The following CRLF2 variants were observed in gnomAD, a reference collection of about 807,000 sequenced individuals.
CRLF2 encodes cytokine receptor like factor 2, also known as cytokine receptor-like factor 2.
CRLF2 carries 41 observed loss-of-function variants against 38.7 expected under a neutral mutation model. The observed-to-expected ratio is 1.06, with a 90% CI of 0.83 to 1.37. The LOEUF is 1.37. CRLF2 is among the 40% of genes most tolerant of loss of function. The pLI is 0.00. For synonymous variants in CRLF2, 140 were observed against 128.8 expected (o/e 1.09, Z -0.59); for missense variants, 377 against 322.2 (o/e 1.17, Z -1.30).
In CRLF2 at chrX:1,211,729, A is replaced by G. The variant is rs866802361; in HGVS notation, c.79+827T>C. Among the ~76,000 whole-genome samples the G allele has an allele frequency of 4.8e-5, 4 of 83,734 alleles. 1 individual carries two copies. The highest frequency in any genetic ancestry group is 2.5e-4 in the African/African-American group (4 of 15,828). The allele number at this position is 83,734 out of a possible 152,430, so 54.9% of individuals were successfully genotyped here. ...GATGGATGGGTGGATGGGTGGATGG[A>G]TGGATGGATGGATGGATAAGTGGAT... On this transcript the variant is annotated intron_variant, in intron 1 of 7. Transcript: ENST00000400841.
chrX:1,202,338 C>T (rs1282476608), intron 4 of CRLF2, 64 bp downstream of exon 4: 2 of 1,599,460 alleles, frequency 1.3e-6, no homozygotes, highest in East Asian at 2.2e-5. Flanking sequence ...AACAGCGAAT[C>T]CCACAGCCCG....
intron 6 of CRLF2, among the ~76,000 whole-genome samples, chrX:1,195,616 C>T (rs1169231878): frequency 2.0e-5 from 3 of 148,120 alleles, no homozygotes; most frequent in Non-Finnish European, 3.0e-5. Flanking sequence ...TCACCCTTGT[C>T]GCCCAGGCTG....
At chrX:1,200,346 G>GT (rs2086580782) in intron 4 of CRLF2, among the ~76,000 whole-genome samples, 1 of 150,940 alleles carries the variant, frequency 6.6e-6, no homozygotes, top group African/African-American at 2.4e-5. Flanking sequence ...TATATAAGAT[G>GT]TGTATGTACA....
chrX:1,198,928 C>T (rs2086551678), intron 4 of CRLF2: 1 of 606,046 alleles, frequency 1.7e-6, no homozygotes, highest in East Asian at 2.9e-5. Context: ...GCGGGTGGAT[C>T]ACCTGAGGTC....
chrX:1,202,503 A>G lies in CRLF2; in HGVS notation c.382T>C (p.Ser128Pro), dbSNP rs1472285647. 6.2e-7 allele frequency: 1 copy of G among 1,613,602 alleles called. No homozygotes were observed. Among genetic ancestry groups the G allele is most frequent in the Non-Finnish European group, 8.5e-7 (1 of 1,179,694 alleles). Residue 128 changes from serine (S) to proline (P), a missense_variant, in exon 4 of 8, where the codon TCG (serine) becomes CCG (proline). Physicochemically the swap from Ser to Pro is moderately conservative, Grantham distance 74. Coordinates refer to ENST00000400841, the MANE Select transcript of CRLF2 (RefSeq NM_022148.4). ...ACCGTCACTGCATCCTGATGCCACG[A>G]AAATCTCACGTGCTTCGGGGAACTG... The part of the protein sequence containing the change: ...KPSSPKHVRF[S>P]WHQDAVTVTC...
At chrX:1,197,949 C>A (rs2086519634) in intron 5 of CRLF2, among the ~76,000 whole-genome samples, 1 of 152,064 alleles carries the variant, frequency 6.6e-6, no homozygotes. Context: ...TTGCAGGGAG[C>A]CGAGATCGCG....
At chrX:1,191,535 AT>A (rs1385334997) in intron 7 of CRLF2, among the ~76,000 whole-genome samples, 166 of 143,748 alleles carry the variant, frequency 1.2e-3, no homozygotes, top group Admixed American at 1.9e-3. Flanking sequence ...CCAAAAATAA[AT>A]TTTTTTTTTT....
rs373430886 is a variant in CRLF2, at chrX:1,198,696, G to T, written c.512C>A (p.Thr171Asn). ...QSKQENTCNV[T>N]IEGLDAEKCY... ...CTTCTCGGCATCCAAGCCTTCTATG[G>T]TGACGTTGCAGGTATTTTCCTGTTT... Residue 171 changes from threonine (T) to asparagine (N), a missense_variant, in exon 5 of 8, where the codon ACC (threonine) becomes AAC (asparagine). Transcript: ENST00000400841. 8 of 1,611,552 alleles carry T rather than the reference G, an allele frequency of 5.0e-6. No individual in the cohort carries two copies. The highest frequency in any genetic ancestry group is 6.8e-6 in the Non-Finnish European group (8 of 1,179,008).
intron 7 of CRLF2, among the ~76,000 whole-genome samples, 185 bp downstream of exon 7, chrX:1,193,033 G>A (rs1179724706): frequency 2.0e-5 from 3 of 151,534 alleles, no homozygotes; most frequent in Non-Finnish European, 4.4e-5. Flanking sequence ...GGCTGGTCTC[G>A]AACTCCTGAC....
chrX:1,200,047 A>G (rs1167557549), intron 4 of CRLF2, among the ~76,000 whole-genome samples: 8 of 138,098 alleles, frequency 5.8e-5, no homozygotes, highest in Middle Eastern at 4.3e-3. Context: ...GTGTGTATAT[A>G]TGTGTGTATA....
intron 5 of CRLF2, among the ~76,000 whole-genome samples, chrX:1,198,315 G>C (rs1196827998): frequency 6.0e-5 from 8 of 134,340 alleles, no homozygotes; most frequent in East Asian, 2.3e-4. Flanking sequence ...CTCCCAGGAA[G>C]GCAGGACACC....
chrX:1,192,710 TTC>T (rs1289979944), intron 7 of CRLF2, among the ~76,000 whole-genome samples: 1 of 17,654 alleles, frequency 5.7e-5, no homozygotes. Flanking sequence ...TTCTTTTCTT[TTC>T]TTTCTTTCTT....
chrX:1,192,922 T>C (rs1339868014), intron 7 of CRLF2, among the ~76,000 whole-genome samples: 5 of 150,812 alleles, frequency 3.3e-5, no homozygotes, highest in African/African-American at 1.2e-4. Context: ...CAAGCGATTC[T>C]CCTGCCTCAG....
intron 7 of CRLF2, among the ~76,000 whole-genome samples, chrX:1,192,748 CTTTCTTTCTTTCTTTCT>C (rs2086414133): frequency 5.0e-5 from 6 of 118,928 alleles, no homozygotes; most frequent in African/African-American, 1.3e-4. Context: ...TTCTTTCTTT[CTTTCTTTCTTTCTTTCT>C]TTCCTTCCTT....
intron 2 of CRLF2, among the ~76,000 whole-genome samples, chrX:1,207,242 G>A (rs1454268182): frequency 6.7e-6 from 1 of 149,418 alleles, no homozygotes; most frequent in South Asian, 2.1e-4. Context: ...CACCGCGCCC[G>A]GCCGTTTTTT....
chrX:1,192,204 C>CAA lies in CRLF2; in HGVS notation c.852+1012_852+1013dup, dbSNP rs1214481830. On this transcript the variant is annotated intron_variant, in intron 7 of 7. Coordinates refer to ENST00000400841, the MANE Select transcript of CRLF2 (RefSeq NM_022148.4). ...TGGGCGACAGAGCGAGACTCCGTCTCAAAAAAAAAAAAAAAACAAAAAAAA... is the reference window on the plus strand; with the variant it reads ...TGGGCGACAGAGCGAGACTCCGTCTCAAAAAAAAAAAAAAAAAACAAAAAAAA... Among the ~76,000 whole-genome samples the CAA allele has an allele frequency of 4.3e-3, 335 of 78,762 alleles. 15 individuals are homozygous for CAA. Among genetic ancestry groups the CAA allele is most frequent in the Middle Eastern group, 8.9e-3 (1 of 112 alleles). The allele number at this position is 78,762 out of a possible 152,430, so 51.7% of individuals were successfully genotyped here.
intron 6 of CRLF2, among the ~76,000 whole-genome samples, chrX:1,196,510 AT>A (rs1392188265): frequency 1.3e-5 from 2 of 150,366 alleles, no homozygotes; most frequent in Admixed American, 6.6e-5. Flanking sequence ...CTTAGTAGAG[AT>A]GGGATTTCAC....
chrX:1,204,339 C>T, intron 3 of CRLF2, among the ~76,000 whole-genome samples: 1 of 152,200 alleles, frequency 6.6e-6, no homozygotes, highest in Non-Finnish European at 1.5e-5. Context: ...AGAGATTCTC[C>T]TGCCTCAGCG....
intron 2 of CRLF2, among the ~76,000 whole-genome samples, chrX:1,208,167 T>G (rs2086725737): frequency 6.6e-6 from 1 of 152,252 alleles, no homozygotes; most frequent in East Asian, 1.9e-4. Context: ...TTTCAGAGAC[T>G]GAGTCTTTCC....
Sources: allele counts gnomAD v4.1 joint callset (sites outside exome capture counted in the v4.1 genomes callset), GRCh38; gene constraint gnomAD v4.1.1; transcripts MANE v1.5; gene names NCBI Gene and HGNC (gene_info 2026-07-23, HGNC 2026-07-21).